The following RABGAP1L variants were observed in gnomAD, a reference collection of about 807,000 sequenced individuals.
RABGAP1L encodes RAB GTPase activating protein 1 like.
A neutral mutation model predicts 137.7 loss-of-function variants in RABGAP1L; 63 were observed. The observed-to-expected ratio is 0.46, with a 90% CI of 0.37 to 0.56. RABGAP1L has a LOEUF of 0.56. Ranked by LOEUF, RABGAP1L falls within the 20% of genes least tolerant of loss-of-function variation. The probability of loss-of-function intolerance (pLI) is 0.00; values close to 1 mark genes in which losing one functional copy is unlikely to be tolerated. For synonymous variants in RABGAP1L, 431 were observed against 433.7 expected, an observed-to-expected ratio of 0.99 and a Z score of 0.08; for missense variants, 1,095 against 1,244.0, an observed-to-expected ratio of 0.88 and a Z score of 1.80.
intron 13 of RABGAP1L, among the ~76,000 whole-genome samples, chr1:174,626,530 G>T (rs955677173): frequency 2.6e-5 from 4 of 152,170 alleles, no homozygotes; most frequent in African/African-American, 9.6e-5. Flanking sequence ...TTATATTTTT[G>T]ACCATTGTGT....
chr1:174,174,836 G>A (rs1330952379), intron 1 of RABGAP1L, among the ~76,000 whole-genome samples: 1 of 152,080 alleles, frequency 6.6e-6, no homozygotes, highest in Non-Finnish European at 1.5e-5. Context: ...GCCCACACTG[G>A]GTAAGGGTAG....
At chr1:174,522,011 G>A (rs1274368827) in intron 13 of RABGAP1L, among the ~76,000 whole-genome samples, 4 of 151,988 alleles carry the variant, frequency 2.6e-5, no homozygotes, top group African/African-American at 7.2e-5. Flanking sequence ...CCCAGGAGGC[G>A]GAGGTTGCAG....
chr1:174,888,738 T>C (rs1655602134), intron 19 of RABGAP1L, among the ~76,000 whole-genome samples: 1 of 152,096 alleles, frequency 6.6e-6, no homozygotes, highest in Admixed American at 6.6e-5. Context: ...CCTCAAGTGA[T>C]CCACCCACCT....
At chr1:174,767,347 G>T (rs562861455) in intron 18 of RABGAP1L, among the ~76,000 whole-genome samples, 1 of 152,096 alleles carries the variant, frequency 6.6e-6, no homozygotes, top group African/African-American at 2.4e-5. Flanking sequence ...CATTTATTTA[G>T]GTCTTATTTA....
intron 11 of RABGAP1L, among the ~76,000 whole-genome samples, chr1:174,346,744 A>C (rs1385763765): frequency 1.3e-5 from 2 of 149,748 alleles, no homozygotes; most frequent in African/African-American, 4.9e-5. Context: ...GATATTTATT[A>C]TTTCTTTTTT....
chr1:174,653,036 C>A (rs1344238090), intron 14 of RABGAP1L, among the ~76,000 whole-genome samples: 1 of 152,306 alleles, frequency 6.6e-6, no homozygotes, highest in Admixed American at 6.5e-5. Flanking sequence ...GCTACAGTAT[C>A]TTTTCTGAGC....
chr1:174,660,930 A>G (rs1394732208), intron 14 of RABGAP1L, among the ~76,000 whole-genome samples: 1 of 152,160 alleles, frequency 6.6e-6, no homozygotes, highest in Non-Finnish European at 1.5e-5. Context: ...TATTATGGCC[A>G]TTGTCTATCA....
chr1:174,231,472 G>C (rs1232584061), intron 4 of RABGAP1L, 117 bp downstream of exon 4: 5 of 925,282 alleles, frequency 5.4e-6, no homozygotes, highest in Non-Finnish European at 8.6e-6. Flanking sequence ...GACATGCAGA[G>C]TAAACATGTT....
intron 11 of RABGAP1L, among the ~76,000 whole-genome samples, chr1:174,318,271 G>A (rs1470618157): frequency 6.6e-6 from 1 of 152,024 alleles, no homozygotes; most frequent in Non-Finnish European, 1.5e-5. Context: ...TGAACTTAAA[G>A]TCTGTGTTGT....
At chr1:174,767,972 A>G (rs536428716) in intron 18 of RABGAP1L, among the ~76,000 whole-genome samples, 1 of 152,298 alleles carries the variant, frequency 6.6e-6, no homozygotes, top group East Asian at 1.9e-4. Context: ...CTTATTCACT[A>G]CCACAAGAAC....
At chr1:174,525,858 G>A (rs1663828679) in intron 13 of RABGAP1L, among the ~76,000 whole-genome samples, 1 of 152,002 alleles carries the variant, frequency 6.6e-6, no homozygotes, top group Admixed American at 6.5e-5. Context: ...ATTGAATTTT[G>A]TCACACTTTT....
At chr1:174,444,277 A>G (rs958046973) in intron 13 of RABGAP1L, among the ~76,000 whole-genome samples, 1 of 151,766 alleles carries the variant, frequency 6.6e-6, no homozygotes, top group African/African-American at 2.4e-5. Context: ...TTGTCCTTTT[A>G]ACAATATTAA....
At chr1:174,691,268 T>TA (rs1678862113) in intron 15 of RABGAP1L, among the ~76,000 whole-genome samples, 1 of 152,220 alleles carries the variant, frequency 6.6e-6, no homozygotes, top group African/African-American at 2.4e-5. Context: ...TGGGGATTAC[T>TA]TTAAATTATC....
chr1:174,265,827 ATTC>A (rs971639838), intron 7 of RABGAP1L, among the ~76,000 whole-genome samples: 3 of 151,866 alleles, frequency 2.0e-5, no homozygotes, highest in Non-Finnish European at 4.4e-5. Context: ...GACCTAAGAT[ATTC>A]TTCTTTTATA....
rs776126975 is a variant in RABGAP1L, at chr1:174,215,457, CAAA to C, written c.-33-3658_-33-3656del. 1.8e-4 allele frequency among the ~76,000 whole-genome samples: 22 copies of C among 121,754 alleles called. 1 individual carries two copies. Among genetic ancestry groups the C allele is most frequent in the Admixed American group, 1.7e-3 (21 of 12,202 alleles). The allele number at this position is 121,754 out of a possible 152,430, so 79.9% of individuals were successfully genotyped here. A position where few individuals can be genotyped will look rare whatever the true frequency, so the allele number is the denominator to read the frequency against. Reference sequence around the variant, plus strand: ...GGGCGACAAGAGCGAAACTCCATCTCAAAAAAAAAAAATAATAATAATAAAATA... The same window carrying C: ...GGGCGACAAGAGCGAAACTCCATCTCAAAAAAAAATAATAATAATAAAATA... On this transcript the variant is annotated intron_variant, in intron 1 of 25. Coordinates refer to ENST00000681986, the MANE Select transcript of RABGAP1L (RefSeq NM_001366446.1).
intron 19 of RABGAP1L, among the ~76,000 whole-genome samples, chr1:174,952,107 T>G (rs991599690): frequency 2.0e-5 from 3 of 152,124 alleles, no homozygotes; most frequent in African/African-American, 7.2e-5. Flanking sequence ...CTGTTCATTA[T>G]GATCCGAAGT....
At chr1:174,475,111 T>C (rs997324842) in intron 13 of RABGAP1L, among the ~76,000 whole-genome samples, 1 of 152,118 alleles carries the variant, frequency 6.6e-6, no homozygotes, top group African/African-American at 2.4e-5. Context: ...ATGAACCTAC[T>C]AGTGGTGTTT....
chr1:174,637,309 T>G, intron 13 of RABGAP1L, 66 bp from the exon 14 acceptor site: 1 of 1,086,284 alleles, frequency 9.2e-7, no homozygotes, highest in South Asian at 1.4e-5. Flanking sequence ...TTTTACCATG[T>G]GTATATATTA....
At chr1:174,928,538 TAATG>T (rs1663202514) in intron 19 of RABGAP1L, among the ~76,000 whole-genome samples, 1 of 151,800 alleles carries the variant, frequency 6.6e-6, no homozygotes, top group South Asian at 2.1e-4. Flanking sequence ...AAAAGGAAAA[TAATG>T]AAAGCAAAAG....
Sources: allele counts gnomAD v4.1 joint callset (sites outside exome capture counted in the v4.1 genomes callset), GRCh38; gene constraint gnomAD v4.1.1; transcripts MANE v1.5; gene names NCBI Gene and HGNC (gene_info 2026-07-23, HGNC 2026-07-21).